ZC3H12B: variants seen among roughly 807,000 people sequenced by gnomAD.
ZC3H12B encodes the protein probable ribonuclease ZC3H12B.
In ZC3H12B, 7 loss-of-function variants were observed where a neutral mutation model predicts 43.9. The observed-to-expected ratio is 0.16, with a 90% CI of 0.09 to 0.30. ZC3H12B has a LOEUF of 0.30. Among genes scored for constraint, ZC3H12B ranks in the 10% least tolerant of loss-of-function variants. The pLI is 1.00. For missense variants in ZC3H12B, 475 were observed against 670.2 expected, an observed-to-expected ratio of 0.71 and a Z score of 3.22; for synonymous variants, 222 against 241.7, an observed-to-expected ratio of 0.92 and a Z score of 0.76.
At chrX:65,105,733 G>A in the ZC3H12B span, among the ~76,000 whole-genome samples, 1 of 111,805 alleles carries the variant, frequency 8.9e-6, no homozygotes. Context: ...AGTAGGGGTA[G>A]CCATTCATGT....
chrX:65,115,767 T>C, the ZC3H12B span, among the ~76,000 whole-genome samples: 1 of 111,936 alleles, frequency 8.9e-6, no homozygotes, highest in Non-Finnish European at 1.9e-5. Context: ...TTAGATGATA[T>C]CACATTGTGA....
chrX:65,436,309 G>A (rs145657375), intron 3 of ZC3H12B, among the ~76,000 whole-genome samples: 1,132 of 112,227 alleles, frequency 0.01, 15 homozygotes, highest in African/African-American at 0.035. Context: ...TTTTGGTGGG[G>A]ACACAAAGCC....
At chrX:65,282,174 G>T in the ZC3H12B span, among the ~76,000 whole-genome samples, 3 of 110,088 alleles carry the variant, frequency 2.7e-5, no homozygotes, top group East Asian at 8.4e-4. Flanking sequence ...TCTTAGCCAG[G>T]CACAGTGGTT....
chrX:65,434,020 A>G (rs1024171026), intron 3 of ZC3H12B, among the ~76,000 whole-genome samples: 1 of 112,130 alleles, frequency 8.9e-6, no homozygotes, highest in Non-Finnish European at 1.9e-5. Flanking sequence ...CCATAGATCC[A>G]TGTAAGTCAC....
the ZC3H12B span, among the ~76,000 whole-genome samples, chrX:65,348,616 C>T: frequency 9.6e-6 from 1 of 104,217 alleles, no homozygotes; most frequent in African/African-American, 3.5e-5. Context: ...TTCAGGAGAC[C>T]CATCGACATG....
chrX:65,249,117 G>T, the ZC3H12B span, among the ~76,000 whole-genome samples: 1 of 111,478 alleles, frequency 9.0e-6, no homozygotes, highest in South Asian at 3.7e-4. Context: ...TGTGTTTATT[G>T]CATTTGCTTT....
the ZC3H12B span, among the ~76,000 whole-genome samples, chrX:65,129,109 CT>C: frequency 1.8e-5 from 2 of 109,389 alleles, no homozygotes; most frequent in South Asian, 3.8e-4. Context: ...TTCTTTGTTT[CT>C]TTTTTTTGTT....
intron 3 of ZC3H12B, among the ~76,000 whole-genome samples, chrX:65,452,359 C>T (rs1469317553): frequency 9.1e-6 from 1 of 109,837 alleles, no homozygotes; most frequent in Non-Finnish European, 1.9e-5. Flanking sequence ...TTAATGTACA[C>T]ATATCATTAG....
intron 2 of ZC3H12B, among the ~76,000 whole-genome samples, chrX:65,389,077 G>C (rs1181041617): frequency 8.9e-6 from 1 of 112,189 alleles, no homozygotes; most frequent in East Asian, 2.8e-4. Flanking sequence ...TAGGCTACTT[G>C]GGGTTCAGGG....
intron 2 of ZC3H12B, among the ~76,000 whole-genome samples, chrX:65,382,355 A>C (rs1376660167): frequency 2.7e-5 from 3 of 110,676 alleles, no homozygotes; most frequent in African/African-American, 9.9e-5. Flanking sequence ...CAAAAACCAC[A>C]TGATTATCTC....
At chrX:65,133,658 G>C in the ZC3H12B span, among the ~76,000 whole-genome samples, 1 of 110,957 alleles carries the variant, frequency 9.0e-6, no homozygotes. Flanking sequence ...GTGATAAAAG[G>C]ATTATAGGGT....
the ZC3H12B span, among the ~76,000 whole-genome samples, chrX:65,224,516 G>A: frequency 1.8e-5 from 2 of 112,784 alleles, no homozygotes; most frequent in African/African-American, 3.2e-5. Flanking sequence ...GTGCCAGACA[G>A]TGGGCGCAGG....
chrX:65,350,139 T>C, the ZC3H12B span, among the ~76,000 whole-genome samples: 1 of 104,889 alleles, frequency 9.5e-6, no homozygotes, highest in Admixed American at 9.7e-5. Context: ...TCCAGCAGCA[T>C]ATCACAAAGC....
At chrX:65,250,940 A>G in the ZC3H12B span, among the ~76,000 whole-genome samples, 1 of 111,432 alleles carries the variant, frequency 9.0e-6, no homozygotes, top group African/African-American at 3.3e-5. Flanking sequence ...TCTTTAGTTT[A>G]ATTAGATCCC....
intron 2 of ZC3H12B, among the ~76,000 whole-genome samples, chrX:65,374,566 G>A (rs916409192): frequency 9.1e-6 from 1 of 109,425 alleles, no homozygotes; most frequent in Non-Finnish European, 1.9e-5. Flanking sequence ...AACAAAAATA[G>A]CACATTCATA....
the ZC3H12B span, among the ~76,000 whole-genome samples, chrX:65,343,638 A>G: frequency 8.9e-6 from 1 of 112,540 alleles, no homozygotes. Context: ...GCTTCATTTT[A>G]AAAACTCATT....
chrX:65,142,644 A>T, the ZC3H12B span, among the ~76,000 whole-genome samples: 1 of 112,639 alleles, frequency 8.9e-6, no homozygotes, highest in Admixed American at 9.4e-5. Flanking sequence ...TCTTAGATTT[A>T]AGTCCTTAAT....
the ZC3H12B span, among the ~76,000 whole-genome samples, chrX:65,175,701 G>T: frequency 9.0e-6 from 1 of 111,654 alleles, no homozygotes; most frequent in East Asian, 2.9e-4. Flanking sequence ...ATTGGGACTG[G>T]TTGCACAGTG....
the ZC3H12B span, among the ~76,000 whole-genome samples, chrX:65,212,474 A>G: frequency 4.5e-5 from 3 of 66,039 alleles, no homozygotes; most frequent in East Asian, 4.5e-4. Flanking sequence ...ATATAATTAT[A>G]TAAATAATAT....
Sources: gnomAD v4.1 joint callset for allele counts (sites outside exome capture counted in the v4.1 genomes callset) on GRCh38, gnomAD v4.1.1 for gene constraint, MANE v1.5 for transcripts, NCBI Gene and HGNC (gene_info 2026-07-23, HGNC 2026-07-21) for gene names.